Variants in FOSB observed in about 807,000 individuals in gnomAD.
The protein encoded by FOSB is protein FosB.
FOSB carries 8 observed loss-of-function variants against 31.1 expected under a neutral mutation model. That is an observed-to-expected ratio of 0.26 (90% CI 0.15 to 0.46). FOSB has a LOEUF of 0.46. Among genes scored for constraint, FOSB ranks in the 20% least tolerant of loss-of-function variants. The probability of loss-of-function intolerance (pLI) is 0.99; values close to 1 mark genes in which losing one functional copy is unlikely to be tolerated. For missense variants in FOSB, 376 were observed against 460.6 expected (o/e 0.82, Z 1.68); for synonymous variants, 214 against 206.1 (o/e 1.04, Z -0.33).
Position 45,472,757 on chromosome 19 carries a change from G to T in FOSB, c.762G>T (p.Trp254Cys). ...CGGCTAAGGAAGATGGCTTCAGCTG[G>T]CTGCTGCCGCCCCCGCCACCACCGC... Reference protein sequence around the residue: ...SAPAKEDGFSWLLPPPPPPPL... With the variant: ...SAPAKEDGFSCLLPPPPPPPL... The change falls in exon 4 of 4, where the codon TGG becomes TGT. Residue 254 changes from tryptophan (W) to cysteine (C), a missense_variant. Physicochemically the swap from Trp to Cys is radical, Grantham distance 215. Transcript: ENST00000353609. This position sits in a 1 kb window ranked among gnomAD's most constrained non-coding sequence, Gnocchi z 5.4. The T allele has an allele frequency of 6.2e-7, 1 of 1,613,866 alleles. No homozygotes were observed. Among genetic ancestry groups the T allele is most frequent in the Non-Finnish European group, 8.5e-7 (1 of 1,179,926 alleles).
At chr19:45,469,561 TG>T (rs917446811) in intron 1 of FOSB, among the ~76,000 whole-genome samples, 65 of 152,312 alleles carry the variant, frequency 4.3e-4, no homozygotes, top group African/African-American at 1.5e-3. Context: ...CAAGAGCGCC[TG>T]TCTGCGACCC....
At position 45,473,276 on chromosome 19, in the gene FOSB, A is replaced by C. The variant is rs1599892885; in HGVS notation, c.*264A>C. On this transcript the variant is annotated 3_prime_UTR_variant, in exon 4 of 4. Transcript: ENST00000353609. ...GACAGGGGGTGGGAAGGGGATGGAC[A>C]CCCCCAGCTGACTGTTGGCTCTCTG... 135 of 198,974 alleles carry C rather than the reference A, an allele frequency of 6.8e-4. No homozygotes were observed. The highest frequency in any genetic ancestry group is 5.7e-3 in the Middle Eastern group (3 of 530). 12.3% of individuals were successfully genotyped at this position (198,974 alleles called of 1,614,324 possible).
At chr19:45,469,500 G>A (rs1335626816) in intron 1 of FOSB, among the ~76,000 whole-genome samples, 1 of 152,200 alleles carries the variant, frequency 6.6e-6, no homozygotes, top group Non-Finnish European at 1.5e-5. Context: ...CTTGGCGGCT[G>A]GGTCTCTTTT....
intron 1 of FOSB, chr19:45,470,036 T>G (rs1396196593): frequency 6.5e-6 from 1 of 153,148 alleles, no homozygotes; most frequent in Non-Finnish European, 1.5e-5. Context: ...CCGTTCACCC[T>G]AAACTGTCAC....
At position 45,468,641 on chromosome 19, in the gene FOSB, C is replaced by G; in HGVS notation, c.55C>G (p.Pro19Ala). Residue 19 changes from proline to alanine, a missense_variant, in exon 1 of 4, where the codon CCC (proline) becomes GCC (alanine). Physicochemically the swap from Pro to Ala is conservative, Grantham distance 27. Coordinates refer to ENST00000353609, the MANE Select transcript of FOSB (RefSeq NM_006732.3). This position sits in a 1 kb window ranked among gnomAD's most constrained non-coding sequence, Gnocchi z 4.8. ...YDSGSRCSSS[P>A]SAESQYLSSV... ...CTCCGGCTCCCGGTGCAGCTCCTCA[C>G]CCTCTGCCGAGTCTCAATATCTGTC... is the stretch of plus-strand genomic sequence containing the variant. The G allele has an allele frequency of 6.2e-7, 1 of 1,613,780 alleles. No homozygotes were observed. Among genetic ancestry groups the G allele is most frequent in the South Asian group, 1.1e-5 (1 of 91,044 alleles).
chr19:45,473,247 T>G lies in FOSB; in HGVS notation c.*235T>G. 6.3e-6 allele frequency: 2 copies of G among 319,106 alleles called. No individual in the cohort carries two copies. Among genetic ancestry groups the G allele is most frequent in the Non-Finnish European group, 1.2e-5 (2 of 170,114 alleles). The allele number at this position is 319,106 out of a possible 1,614,324, so 19.8% of individuals were successfully genotyped here. A position where few individuals can be genotyped will look rare whatever the true frequency, so the allele number is the denominator to read the frequency against. The stretch of plus-strand genomic sequence containing the variant: ...GGCGAGGCCGGAGAGCTGGTGACTT[T>G]GGGGACAGGGGGTGGGAAGGGGATG... On this transcript the variant is annotated 3_prime_UTR_variant, in exon 4 of 4. Coordinates refer to ENST00000353609, the MANE Select transcript of FOSB (RefSeq NM_006732.3).
intron 1 of FOSB, among the ~76,000 whole-genome samples, chr19:45,469,559 C>T (rs1032043468): frequency 6.6e-6 from 1 of 152,198 alleles, no homozygotes; most frequent in South Asian, 2.1e-4. Context: ...GACAAGAGCG[C>T]CTGTCTGCGA....
chr19:45,471,345 C>G (rs1568613784), intron 3 of FOSB, 44 bp downstream of exon 3: 4 of 1,342,476 alleles, frequency 3.0e-6, no homozygotes, highest in Non-Finnish European at 4.2e-6. Flanking sequence ...TTGAGGGGAG[C>G]TCTCTCCCCA....
chr19:45,472,881 G>A lies in FOSB; in HGVS notation c.886G>A (p.Val296Ile). Residue 296 changes from valine (V) to isoleucine (I), a missense_variant, in exon 4 of 4, where the codon GTT becomes ATT. This residue lies in a region of FOSB where 148 missense variants were observed against 170.0 expected (regional missense o/e 0.87). Coordinates refer to ENST00000353609, the MANE Select transcript of FOSB (RefSeq NM_006732.3). This position sits in a 1 kb window ranked among gnomAD's most constrained non-coding sequence, Gnocchi z 5.4. The stretch of plus-strand genomic sequence containing the variant: ...AGTCCTCGGCGACCCCTTCCCCGTT[G>A]TTAACCCTTCGTACACTTCTTCGTT... Reference protein sequence around the residue: ...VQVLGDPFPVVNPSYTSSFVL... With the variant: ...VQVLGDPFPVINPSYTSSFVL... 1 of 1,614,166 alleles carries A rather than the reference G, an allele frequency of 6.2e-7. No homozygotes were observed.
chr19:45,470,722 A>C lies in FOSB; in HGVS notation c.220A>C (p.Thr74Pro), dbSNP rs780193148. The C allele has an allele frequency of 4.3e-6, 7 of 1,611,560 alleles. No individual in the cohort carries two copies. The change falls in exon 2 of 4, where the codon ACC (threonine) becomes CCC (proline). Residue 74 changes from threonine (T) to proline (P), a missense_variant. Physicochemically the swap from Thr to Pro is conservative, Grantham distance 38. Transcript: ENST00000353609. ...GGACCTCCAGTGGCTTGTGCAACCCACCCTCATCTCTTCCATGGCCCAGTC... is the reference window on the plus strand; with the variant it reads ...GGACCTCCAGTGGCTTGTGCAACCCCCCCTCATCTCTTCCATGGCCCAGTC... Reference protein sequence around the residue: ...SQDLQWLVQPTLISSMAQSQG... With the variant: ...SQDLQWLVQPPLISSMAQSQG...
chr19:45,468,192 T>C lies in FOSB; in HGVS notation c.-395T>C, dbSNP rs536924286. ...ACCGACTTACTTTTTTTGGTCTTCT[T>C]TATTACTCCCCTCCCCCCGTGGGAC... On this transcript the variant is annotated 5_prime_UTR_variant, in exon 1 of 4. Coordinates refer to ENST00000353609, the MANE Select transcript of FOSB (RefSeq NM_006732.3). The surrounding 1 kb of genome is among the most constrained non-coding windows in gnomAD (Gnocchi z 4.8). 1 of 166,200 alleles carries C rather than the reference T, an allele frequency of 6.0e-6. No individual in the cohort carries two copies. The highest frequency in any genetic ancestry group is 6.4e-5 in the Admixed American group (1 of 15,714). The allele number at this position is 166,200 out of a possible 1,614,324, so 10.3% of individuals were successfully genotyped here. A position where few individuals can be genotyped will look rare whatever the true frequency, so the allele number is the denominator to read the frequency against.
At chr19:45,471,056 C>T (rs746410570) in intron 2 of FOSB, 107 bp downstream of exon 2, 2 of 1,361,482 alleles carry the variant, frequency 1.5e-6, no homozygotes, top group South Asian at 2.4e-5. Context: ...GTTACAGAAA[C>T]CCCAAGATCC....
intron 2 of FOSB, 102 bp downstream of exon 2, chr19:45,471,051 A>G: frequency 7.3e-7 from 1 of 1,366,984 alleles, no homozygotes; most frequent in Non-Finnish European, 1.0e-6. Flanking sequence ...TCAGTGTTAC[A>G]GAAACCCCAA....
At position 45,468,463 on chromosome 19, in the gene FOSB, G is replaced by A; in HGVS notation, c.-124G>A. On this transcript the variant is annotated 5_prime_UTR_variant, in exon 1 of 4. Transcript: ENST00000353609. The surrounding 1 kb of genome is among the most constrained non-coding windows in gnomAD (Gnocchi z 4.8). ...CCCGGACAGCGTACTTTGAGGACTC[G>A]CTCAGCTCACCGGGGACTCCCACGG... 9.6e-7 allele frequency: 1 copy of A among 1,037,818 alleles called. No individual in the cohort carries two copies. The highest frequency in any genetic ancestry group is 2.4e-5 in the Admixed American group (1 of 41,182). 64.3% of individuals were successfully genotyped at this position (1,037,818 alleles called of 1,614,324 possible).
chr19:45,469,327 G>A (rs1006169035), intron 1 of FOSB, among the ~76,000 whole-genome samples: 1 of 152,230 alleles, frequency 6.6e-6, no homozygotes, highest in African/African-American at 2.4e-5. Flanking sequence ...CTGACGTCCC[G>A]GGAGCGTTCT....
chr19:45,471,286 C>A lies in FOSB; in HGVS notation c.540C>A (p.Thr180=). 1 of 1,562,872 alleles carries A rather than the reference C, an allele frequency of 6.4e-7. No homozygotes were observed. The highest frequency in any genetic ancestry group is 8.7e-7 in the Non-Finnish European group (1 of 1,153,146). Reference sequence around the variant, plus strand: ...GCAGGAACCGGCGGAGGGAGCTGACCGACCGACTCCAGGCGGTGAGGACAG... The same window carrying A: ...GCAGGAACCGGCGGAGGGAGCTGACAGACCGACTCCAGGCGGTGAGGACAG... The part of the protein sequence containing the change: ...AKCRNRRREL[T]DRLQAETDQL... The change falls in exon 3 of 4, where the codon ACC becomes ACA. Residue 180 remains threonine, a synonymous_variant. Transcript: ENST00000353609.
Position 45,471,300 on chromosome 19 carries a change from C to A in FOSB, c.554C>A (p.Ala185Glu), listed in dbSNP as rs778439854. The A allele has an allele frequency of 5.1e-6, 8 of 1,556,798 alleles. No homozygotes were observed. The highest frequency in any genetic ancestry group is 4.4e-6 in the Non-Finnish European group (5 of 1,149,140). Residue 185 changes from alanine to glutamate, a missense_variant and splice_region_variant, in exon 3 of 4, where the codon GCG becomes GAG. Ala to Glu is a moderately radical substitution (Grantham distance 107). Transcript: ENST00000353609. Reference sequence around the variant, plus strand: ...AGGGAGCTGACCGACCGACTCCAGGCGGTGAGGACAGGCCCTGGGGTGGGA... The same window carrying A: ...AGGGAGCTGACCGACCGACTCCAGGAGGTGAGGACAGGCCCTGGGGTGGGA... Reference protein sequence around the residue: ...RRRELTDRLQAETDQLEEEKA... With the variant: ...RRRELTDRLQEETDQLEEEKA...
chr19:45,473,052 A>G lies in FOSB; in HGVS notation c.*40A>G. On this transcript the variant is annotated 3_prime_UTR_variant, in exon 4 of 4. Transcript: ENST00000353609. ...CAAAACAAACAAACACATGGGGGAGAGAGACTTGGAAGAGGAGGAGGAGGA... is the reference window on the plus strand; with the variant it reads ...CAAAACAAACAAACACATGGGGGAGGGAGACTTGGAAGAGGAGGAGGAGGA... 1 of 1,553,642 alleles carries G rather than the reference A, an allele frequency of 6.4e-7. No homozygotes were observed.
chr19:45,470,166 G>A (rs557177686), intron 1 of FOSB: 9 of 167,938 alleles, frequency 5.4e-5, no homozygotes, highest in African/African-American at 1.4e-4. Context: ...TCGCGCAGAG[G>A]GGGGTGTGTA....
Sources: allele counts gnomAD v4.1 joint callset (sites outside exome capture counted in the v4.1 genomes callset), GRCh38; gene constraint gnomAD v4.1.1; regional missense constraint gnomAD v4.1.1; non-coding constraint Gnocchi (gnomAD v3.1); transcripts MANE v1.5; gene names NCBI Gene and HGNC (gene_info 2026-07-23, HGNC 2026-07-21).